Variants in TEKT4 observed in about 807,000 individuals in gnomAD.
TEKT4 encodes tektin-4.
A neutral mutation model predicts 46.0 loss-of-function variants in TEKT4; 46 were observed. That is an observed-to-expected ratio of 1.00 (90% CI 0.79 to 1.28). TEKT4 has a LOEUF of 1.28. Among genes scored for constraint, TEKT4 ranks in the 50% most tolerant of loss-of-function variants. The pLI is 0.00. For missense variants in TEKT4, 790 were observed against 622.9 expected (o/e 1.27, Z -2.85); for synonymous variants, 325 against 265.8 (o/e 1.22, Z -2.17).
intron 4 of TEKT4, 73 bp from the exon 5 acceptor site, chr2:94,875,515 A>T: frequency 6.3e-7 from 1 of 1,591,940 alleles, no homozygotes; most frequent in Non-Finnish European, 8.6e-7. Context: ...CCTGGGTAGG[A>T]CCAGCCTGGT....
Position 94,876,549 on chromosome 2 carries a change from C to T in TEKT4, c.1092-4C>T. The T allele has an allele frequency of 1.2e-6, 2 of 1,602,112 alleles. No individual in the cohort carries two copies. The highest frequency in any genetic ancestry group is 1.7e-4 in the Middle Eastern group (1 of 6,058). On this transcript the variant is annotated splice_region_variant and splice_polypyrimidine_tract_variant and intron_variant, in intron 5 of 5. Coordinates refer to ENST00000295201, the MANE Select transcript of TEKT4 (RefSeq NM_144705.4). Reference sequence around the variant, plus strand: ...CCCGGCTCACACCCCCCCAACACCCCCAGGCTGTTGAGTGAGGTGGAGGAG... The same window carrying T: ...CCCGGCTCACACCCCCCCAACACCCTCAGGCTGTTGAGTGAGGTGGAGGAG...
chr2:94,876,335 G>C (rs1392645939), intron 5 of TEKT4, among the ~76,000 whole-genome samples: 1 of 152,148 alleles, frequency 6.6e-6, no homozygotes, highest in Non-Finnish European at 1.5e-5. Context: ...GGTCGAGATT[G>C]CACACGGGTC....
rs782449437 is a variant in TEKT4 at position 94,874,791 on chromosome 2, G to C, written c.729G>C (p.Glu243Asp). 1.9e-6 allele frequency: 3 copies of C among 1,586,744 alleles called. No individual in the cohort carries two copies. The highest frequency in any genetic ancestry group is 2.0e-4 in the Middle Eastern group (1 of 5,070). Reference protein sequence around the residue: ...TTFQESASTPETRAKFTQDNL... With the variant: ...TTFQESASTPDTRAKFTQDNL... ...CGCCCCGCAGCGCCTCCACCCCGGA[G>C]ACCCGGGCCAAGTTCACGCAGGACA... Residue 243 changes from glutamate (E) to aspartate (D), a missense_variant, in exon 4 of 6, where the codon GAG (glutamate) becomes GAC (aspartate). Coordinates refer to ENST00000295201, the MANE Select transcript of TEKT4 (RefSeq NM_144705.4).
chr2:94,875,112 C>T, intron 4 of TEKT4, 114 bp downstream of exon 4: 1 of 1,121,382 alleles, frequency 8.9e-7, no homozygotes. Context: ...AGTGTCTCCT[C>T]TCCGTAAACC....
rs113660139 is a variant in TEKT4 at position 94,876,120 on chromosome 2, G to A, written c.1091+378G>A. 6.8e-3 allele frequency among the ~76,000 whole-genome samples: 1,037 copies of A among 152,332 alleles called. 16 individuals are homozygous for A. The highest frequency in any genetic ancestry group is 0.024 in the African/African-American group (983 of 41,582). ...AGCGTGCTGTCCACACCTCTGGTGG[G>A]AAGTATGACCTACGCCTGCGCTACA... On this transcript the variant is annotated intron_variant, in intron 5 of 5. Transcript: ENST00000295201.
chr2:94,875,001 G>A lies in TEKT4; in HGVS notation c.936+3G>A. 6.3e-7 allele frequency: 1 copy of A among 1,594,658 alleles called. No individual in the cohort carries two copies. The highest frequency in any genetic ancestry group is 8.5e-7 in the Non-Finnish European group (1 of 1,171,424). ...AGCTGCATCACCACCTGCACAAGGTGGGGCACCCTGAACCCCGAAGACGGC... is the reference window on the plus strand; with the variant it reads ...AGCTGCATCACCACCTGCACAAGGTAGGGCACCCTGAACCCCGAAGACGGC... On this transcript the variant is annotated splice_donor_region_variant and intron_variant, in intron 4 of 5. Transcript: ENST00000295201.
intron 3 of TEKT4, 140 bp downstream of exon 3, chr2:94,874,248 G>A (rs1462737863): frequency 7.8e-5 from 71 of 913,060 alleles, no homozygotes; most frequent in Non-Finnish European, 1.1e-4. Context: ...GTCTGCCCCT[G>A]GCATGAGCAA....
At chr2:94,872,816 G>A (rs782452814) in intron 1 of TEKT4, 21 of 1,289,322 alleles carry the variant, frequency 1.6e-5, no homozygotes, top group Non-Finnish European at 2.0e-5. Flanking sequence ...CCCTTCTGCA[G>A]GCCCTTCCCC....
chr2:94,872,942 G>A (rs1341143017), intron 1 of TEKT4: 24 of 1,289,316 alleles, frequency 1.9e-5, no homozygotes, highest in Non-Finnish European at 2.3e-5. Flanking sequence ...CAAACCCAGG[G>A]ATAGAGGGGC....
rs1553394768 is a variant in TEKT4 at position 94,872,035 on chromosome 2, C to A, written c.456C>A (p.His152Gln). 9.0e-6 allele frequency: 14 copies of A among 1,563,274 alleles called. No homozygotes were observed. In the Middle Eastern group the frequency reaches 5.0e-4, roughly 56 times the overall value. The change falls in exon 1 of 6, where the codon CAC becomes CAA. Residue 152 changes from histidine (H) to glutamine (Q), a missense_variant. By Grantham distance (24) the His-to-Gln change is conservative. Transcript: ENST00000295201. ...TGCAGTGCCGTGAGCGCCGCGAGCA[C>A]CCCAACCTCGTGCGCGACCATGTGG... ...DNLQCRERRE[H>Q]PNLVRDHVET...
intron 5 of TEKT4, among the ~76,000 whole-genome samples, 200 bp downstream of exon 5, chr2:94,875,942 C>T (rs1196072342): frequency 1.3e-5 from 2 of 152,208 alleles, no homozygotes; most frequent in Non-Finnish European, 2.9e-5. Flanking sequence ...GGTCATGGGT[C>T]GGGGGGCTCC....
At chr2:94,873,398 G>C in intron 1 of TEKT4, 122 bp from the exon 2 acceptor site, 1 of 1,554,488 alleles carries the variant, frequency 6.4e-7, no homozygotes, top group South Asian at 1.2e-5. Flanking sequence ...CACAGTCAGA[G>C]CTCAGGCCCG....
Position 94,876,690 on chromosome 2 carries a change from G to A in TEKT4, c.1229G>A (p.Ser410Asn), listed in dbSNP as rs1553396746. The A allele has an allele frequency of 1.9e-6, 3 of 1,613,176 alleles. No homozygotes were observed. The highest frequency in any genetic ancestry group is 1.6e-4 in the Middle Eastern group (1 of 6,062). ...AAGGACATTGCCGCCATGACCAACAGTCTCTTCATCGACCGCCAGAAGTGC... is the reference window on the plus strand; with the variant it reads ...AAGGACATTGCCGCCATGACCAACAATCTCTTCATCGACCGCCAGAAGTGC... ...LEKDIAAMTN[S>N]LFIDRQKCMA... The change falls in exon 6 of 6, where the codon AGT (serine) becomes AAT (asparagine). Residue 410 changes from serine to asparagine, a missense_variant. Ser to Asn is a conservative substitution (Grantham distance 46, BLOSUM62 1). Coordinates refer to ENST00000295201, the MANE Select transcript of TEKT4 (RefSeq NM_144705.4).
At position 94,873,978 on chromosome 2, in the gene TEKT4, C is replaced by T; in HGVS notation, c.583C>T (p.His195Tyr). Residue 195 changes from histidine to tyrosine, a missense_variant, in exon 3 of 6, where the codon CAC (histidine) becomes TAC (tyrosine). His to Tyr is a moderately conservative substitution (Grantham distance 83). Coordinates refer to ENST00000295201, the MANE Select transcript of TEKT4 (RefSeq NM_144705.4). ...ACCCCGCCCCAGACTGAACCGGGAG[C>T]ACAAGGAGACCTGCGAGATGGACTG... ...AVSQIRLNRE[H>Y]KETCEMDWSD... 6.2e-7 allele frequency: 1 copy of T among 1,613,808 alleles called. No individual in the cohort carries two copies. The highest frequency in any genetic ancestry group is 1.7e-5 in the Admixed American group (1 of 60,028).
Position 94,873,534 on chromosome 2 carries a change from C to T in TEKT4, c.513C>T (p.Ile171=). 1 of 1,612,502 alleles carries T rather than the reference C, an allele frequency of 6.2e-7. No individual in the cohort carries two copies. Among genetic ancestry groups the T allele is most frequent in the Non-Finnish European group, 8.5e-7 (1 of 1,180,012 alleles). Reference sequence around the variant, plus strand: ...TCCTCCCTCAGGAAGCCGAGCTCATCCGGAACATTCAGGAGCTGCTGAAGA... The same window carrying T: ...TCCTCCCTCAGGAAGCCGAGCTCATTCGGAACATTCAGGAGCTGCTGAAGA... The part of the protein sequence containing the change: ...ETELLKEAEL[I]RNIQELLKRT... Residue 171 remains isoleucine (I), a synonymous_variant, in exon 2 of 6, where the codon ATC becomes ATT. Coordinates refer to ENST00000295201, the MANE Select transcript of TEKT4 (RefSeq NM_144705.4).
chr2:94,874,808 C>G lies in TEKT4; in HGVS notation c.746C>G (p.Thr249Arg). ...ASTPETRAKFTQDNLCRAQRE... is the reference protein window; with the variant it reads ...ASTPETRAKFRQDNLCRAQRE... The stretch of plus-strand genomic sequence containing the variant: ...ACCCCGGAGACCCGGGCCAAGTTCA[C>G]GCAGGACAATCTGTGCCGTGCCCAG... Residue 249 changes from threonine to arginine, a missense_variant, in exon 4 of 6, where the codon ACG becomes AGG. By Grantham distance (71) the Thr-to-Arg change is moderately conservative. Coordinates refer to ENST00000295201, the MANE Select transcript of TEKT4 (RefSeq NM_144705.4). 1.3e-6 allele frequency: 2 copies of G among 1,598,634 alleles called. No homozygotes were observed. Among genetic ancestry groups the G allele is most frequent in the South Asian group, 2.3e-5 (2 of 88,758 alleles).
At chr2:94,872,599 G>C in intron 1 of TEKT4, 3 of 340,164 alleles carry the variant, frequency 8.8e-6, no homozygotes, top group Non-Finnish European at 1.7e-5. Context: ...CACAGGGTGA[G>C]AGAGTAACTC....
At chr2:94,873,622 T>G in intron 2 of TEKT4, 32 bp downstream of exon 2, 7 of 1,613,038 alleles carry the variant, frequency 4.3e-6, no homozygotes, top group Non-Finnish European at 5.9e-6. Flanking sequence ...GGATGATTCC[T>G]GACCCTACCC....
At chr2:94,875,044 C>G in intron 4 of TEKT4, 46 bp downstream of exon 4, 1 of 1,523,216 alleles carries the variant, frequency 6.6e-7, no homozygotes, top group Non-Finnish European at 8.8e-7. Context: ...CATCACCTGG[C>G]CTGGGCCCTC....
Sources: gnomAD v4.1 joint callset for allele counts (sites outside exome capture counted in the v4.1 genomes callset) on GRCh38, gnomAD v4.1.1 for gene constraint, MANE v1.5 for transcripts, NCBI Gene and HGNC (gene_info 2026-07-23, HGNC 2026-07-21) for gene names.